Variants in PCDHA1 observed in about 807,000 individuals in gnomAD.
The protein encoded by PCDHA1 is protocadherin alpha-1.
A neutral mutation model predicts 61.3 loss-of-function variants in PCDHA1; 42 were observed. The observed-to-expected ratio is 0.69, with a 90% CI of 0.54 to 0.89. PCDHA1 has a LOEUF of 0.89. Ranked by LOEUF, PCDHA1 falls within the 40% of genes least tolerant of loss-of-function variation. The pLI, the probability that PCDHA1 is intolerant of heterozygous loss-of-function variation, is 0.00. For missense variants in PCDHA1, 1,256 were observed against 1,235.3 expected, an observed-to-expected ratio of 1.02 and a Z score of -0.25; for synonymous variants, 610 against 553.8, an observed-to-expected ratio of 1.10 and a Z score of -1.43.
At chr5:140,876,321 G>T (rs2153339560) in intron 1 of PCDHA1, 2 of 1,614,030 alleles carry the variant, frequency 1.2e-6, no homozygotes, top group East Asian at 2.2e-5. Context: ...GGATCAAAAT[G>T]ATTTTGCCAG....
At chr5:140,840,330 G>A (rs1554137772) in intron 1 of PCDHA1, among the ~76,000 whole-genome samples, 1 of 151,878 alleles carries the variant, frequency 6.6e-6, no homozygotes, top group African/African-American at 2.4e-5. Flanking sequence ...TCATTTTCTA[G>A]GCAATGTTAG....
chr5:140,866,796 G>A (rs1360079320), intron 1 of PCDHA1: 5 of 152,128 alleles, frequency 3.3e-5, no homozygotes, highest in African/African-American at 1.2e-4. Context: ...TATAGTAAAA[G>A]TCAGGCACAA....
In PCDHA1 at chr5:140,788,302, A is replaced by C; in HGVS notation, c.2012A>C (p.Glu671Ala). Residue 671 changes from glutamate (E) to alanine (A), a missense_variant, in exon 1 of 4, where the codon GAG becomes GCG. By Grantham distance (107) the Glu-to-Ala change is moderately radical. Coordinates refer to ENST00000504120, the MANE Select transcript of PCDHA1 (RefSeq NM_018900.4). ...ATATVLVSLV[E>A]SGQAPKASSR... is the part of the protein sequence containing the mutation. ...GCCACTGTGCTTGTATCTCTGGTGGAGAGCGGCCAGGCGCCAAAGGCGTCT... is the reference window on the plus strand; with the variant it reads ...GCCACTGTGCTTGTATCTCTGGTGGCGAGCGGCCAGGCGCCAAAGGCGTCT... 6.2e-7 allele frequency: 1 copy of C among 1,613,978 alleles called. No homozygotes were observed. The highest frequency in any genetic ancestry group is 2.2e-5 in the East Asian group (1 of 44,882).
At chr5:140,874,757 C>T (rs984706003) in intron 1 of PCDHA1, among the ~76,000 whole-genome samples, 6 of 152,190 alleles carry the variant, frequency 3.9e-5, no homozygotes, top group Non-Finnish European at 8.8e-5. Context: ...CAAACAATAA[C>T]GCTCTCCATA....
rs1215623176 is a variant in PCDHA1 at position 140,858,135 on chromosome 5, T to A, written c.2394+69451T>A. On this transcript the variant is annotated intron_variant, in intron 1 of 3. Transcript: ENST00000504120. ...GAGGTGGCCCTGGTGGATGTCAACG[T>A]GTACCTGATCATCGCCATCTGCGCG... is the stretch of plus-strand genomic sequence containing the variant. 2 of 1,597,334 alleles carry A rather than the reference T, an allele frequency of 1.3e-6. 1 individual carries two copies. Among genetic ancestry groups the A allele is most frequent in the Non-Finnish European group, 1.7e-6 (2 of 1,167,406 alleles).
chr5:140,980,857 T>C (rs2153822974), intron 2 of PCDHA1, among the ~76,000 whole-genome samples: 1 of 152,334 alleles, frequency 6.6e-6, no homozygotes. Flanking sequence ...ATCTTTTTCG[T>C]ATGTGTGCTT....
At chr5:140,871,496 T>C in intron 1 of PCDHA1, 1 of 1,587,392 alleles carries the variant, frequency 6.3e-7, no homozygotes, top group Non-Finnish European at 8.6e-7. Flanking sequence ...CCCGGACAGG[T>C]GAGTTTTCTA....
rs1012749061 is a variant in PCDHA1 at position 141,011,525 on chromosome 5, C to T, written c.*1588C>T. Reference sequence around the variant, plus strand: ...AAAAGTGGAGTAGTGTTTTTTTAACCATTGTTAATCAGCTTTTGTGTATGA... The same window carrying T: ...AAAAGTGGAGTAGTGTTTTTTTAACTATTGTTAATCAGCTTTTGTGTATGA... On this transcript the variant is annotated 3_prime_UTR_variant, in exon 4 of 4. Coordinates refer to ENST00000504120, the MANE Select transcript of PCDHA1 (RefSeq NM_018900.4). 11 of 153,568 alleles carry T rather than the reference C, an allele frequency of 7.2e-5. No individual in the cohort carries two copies. The Admixed American group carries it at 7.2e-4, about 10-fold the overall frequency. 9.5% of individuals were successfully genotyped at this position (153,568 alleles called of 1,614,324 possible).
At chr5:140,801,350 C>T (rs781952584) in intron 1 of PCDHA1, 9 of 1,613,246 alleles carry the variant, frequency 5.6e-6, no homozygotes, top group Middle Eastern at 3.6e-4. Flanking sequence ...TCGCGCAGGA[C>T]CTGGGGCTGG....
chr5:140,906,798 C>T (rs1456677849), intron 1 of PCDHA1, among the ~76,000 whole-genome samples: 1 of 152,192 alleles, frequency 6.6e-6, no homozygotes, highest in Non-Finnish European at 1.5e-5. Context: ...TCCATGCATA[C>T]TCTTCCTTAC....
At chr5:140,869,684 T>G in intron 1 of PCDHA1, 1 of 1,613,486 alleles carries the variant, frequency 6.2e-7, no homozygotes, top group Non-Finnish European at 8.5e-7. Flanking sequence ...AGACTGTCAC[T>G]TATTTTAAAG....
At chr5:140,999,240 G>A (rs193018375) in intron 3 of PCDHA1, among the ~76,000 whole-genome samples, 1 of 152,340 alleles carries the variant, frequency 6.6e-6, no homozygotes, top group Non-Finnish European at 1.5e-5. Context: ...GGTGGTTAAA[G>A]TGGGAGTTGG....
intron 1 of PCDHA1, chr5:140,809,146 C>A (rs1554125024): frequency 1.2e-6 from 2 of 1,613,986 alleles, no homozygotes; most frequent in East Asian, 4.5e-5. Context: ...TGGTGAAGGA[C>A]CACGGCGAGC....
intron 1 of PCDHA1, among the ~76,000 whole-genome samples, chr5:140,901,220 TC>T (rs1383510008): frequency 6.6e-6 from 1 of 152,200 alleles, no homozygotes; most frequent in Non-Finnish European, 1.5e-5. Context: ...GTTGATGTGA[TC>T]CCATATATCC....
chr5:140,915,744 G>A (rs2077291791), intron 1 of PCDHA1, among the ~76,000 whole-genome samples: 1 of 151,896 alleles, frequency 6.6e-6, no homozygotes, highest in South Asian at 2.1e-4. Flanking sequence ...CAGACCTATA[G>A]CCAGCACAGC....
chr5:140,801,481 T>C (rs782568249), intron 1 of PCDHA1: 1 of 1,614,008 alleles, frequency 6.2e-7, no homozygotes, highest in Non-Finnish European at 8.5e-7. Flanking sequence ...CGCGAGGAAC[T>C]GTGCGGGCGG....
rs782184518 is a variant in PCDHA1 at position 140,875,731 on chromosome 5, A to G, written c.2394+87047A>G. On this transcript the variant is annotated intron_variant, in intron 1 of 3. Transcript: ENST00000504120. ...TCTGCAGAATGGCATTTTGTTTGTG[A>G]ATTCTCGGATCGACCGCGAGAAGCT... The G allele has an allele frequency of 1.2e-6, 2 of 1,614,032 alleles. No individual in the cohort carries two copies. Among genetic ancestry groups the G allele is most frequent in the African/African-American group, 2.7e-5 (2 of 74,906 alleles).
chr5:140,815,634 T>C (rs1410900627), intron 1 of PCDHA1: 1 of 152,116 alleles, frequency 6.6e-6, no homozygotes, highest in East Asian at 1.9e-4. Context: ...AGTATTATAG[T>C]ATTCTGTTTT....
chr5:140,941,578 G>A (rs1007298745), intron 1 of PCDHA1, among the ~76,000 whole-genome samples: 3 of 151,774 alleles, frequency 2.0e-5, no homozygotes, highest in Non-Finnish European at 4.4e-5. Context: ...GCCTCCCAAA[G>A]TGCTGGGATT....
Sources: allele counts gnomAD v4.1 joint callset (sites outside exome capture counted in the v4.1 genomes callset), GRCh38; gene constraint gnomAD v4.1.1; transcripts MANE v1.5; gene names NCBI Gene and HGNC (gene_info 2026-07-23, HGNC 2026-07-21).